The following UGGT2 variants were observed in gnomAD, a reference collection of about 807,000 sequenced individuals.
UGGT2 encodes the protein UDP-glucose:glycoprotein glucosyltransferase 2.
Under a neutral mutation model 192.1 loss-of-function variants are expected in UGGT2, and 180 were observed. The ratio of observed to expected loss-of-function variants is 0.94; its 90% CI spans 0.83 to 1.06. UGGT2 has a LOEUF of 1.06. Ranked by LOEUF, UGGT2 falls within the 50% of genes least tolerant of loss-of-function variation. UGGT2 has a pLI of 0.00. For missense variants in UGGT2, 1,849 were observed against 1,795.7 expected (o/e 1.03, Z -0.54); for synonymous variants, 580 against 591.0 (o/e 0.98, Z 0.27).
chr13:95,857,561 A>C (rs1183192631), intron 33 of UGGT2, among the ~76,000 whole-genome samples: 3 of 152,130 alleles, frequency 2.0e-5, no homozygotes, highest in Non-Finnish European at 2.9e-5. Flanking sequence ...GACTTTTCTA[A>C]ACTGGTAGGA....
intron 20 of UGGT2, among the ~76,000 whole-genome samples, chr13:95,915,783 C>T (rs964963307): frequency 6.6e-6 from 1 of 152,202 alleles, no homozygotes; most frequent in East Asian, 1.9e-4. Flanking sequence ...TCTATCCGAT[C>T]ATGGCCAGAC....
At chr13:95,947,448 C>CT (rs1358429168) in intron 14 of UGGT2, among the ~76,000 whole-genome samples, 1 of 126,972 alleles carries the variant, frequency 7.9e-6, no homozygotes, top group Non-Finnish European at 1.8e-5. Flanking sequence ...TAAATATACT[C>CT]TTTTTATTTT....
At chr13:95,999,676 G>C (rs898218001) in intron 5 of UGGT2, among the ~76,000 whole-genome samples, 1 of 152,120 alleles carries the variant, frequency 6.6e-6, no homozygotes, top group Non-Finnish European at 1.5e-5. Context: ...ACCCCCAAAA[G>C]ATTTGCTAAA....
At chr13:95,873,941 A>T (rs1594203968) in intron 29 of UGGT2, among the ~76,000 whole-genome samples, 1 of 152,180 alleles carries the variant, frequency 6.6e-6, no homozygotes, top group Non-Finnish European at 1.5e-5. Context: ...GAATTAGACC[A>T]TCCACCAGGT....
chr13:95,808,477 C>T (rs1884424499), intron 38 of UGGT2, among the ~76,000 whole-genome samples: 1 of 151,868 alleles, frequency 6.6e-6, no homozygotes, highest in Admixed American at 6.6e-5. Flanking sequence ...ATAATCCTTT[C>T]TCCTCAGTGA....
chr13:95,875,286 T>C (rs547246196), intron 29 of UGGT2, among the ~76,000 whole-genome samples: 2 of 152,310 alleles, frequency 1.3e-5, no homozygotes, highest in East Asian at 3.9e-4. Flanking sequence ...ATCTGGTTAT[T>C]TGTTCTAATA....
chr13:96,004,195 T>C (rs1324672414), intron 5 of UGGT2, among the ~76,000 whole-genome samples: 1 of 151,812 alleles, frequency 6.6e-6, no homozygotes, highest in Admixed American at 6.6e-5. Context: ...AAAAAACATA[T>C]TTGTTTTTAA....
At chr13:95,979,470 T>C (rs1346751898) in intron 10 of UGGT2, among the ~76,000 whole-genome samples, 1 of 149,212 alleles carries the variant, frequency 6.7e-6, no homozygotes, top group African/African-American at 2.5e-5. Flanking sequence ...CCAAAGTTTC[T>C]TCTCCATCCT....
chr13:95,874,208 A>G (rs919712435), intron 29 of UGGT2, among the ~76,000 whole-genome samples: 9 of 152,214 alleles, frequency 5.9e-5, no homozygotes, highest in Non-Finnish European at 1.2e-4. Context: ...GACATGCAGT[A>G]GTACAGCAAC....
rs183949872 is a variant in UGGT2 at position 95,998,199 on chromosome 13, G to T, written c.757+1012C>A. 2.0e-5 allele frequency among the ~76,000 whole-genome samples: 3 copies of T among 152,254 alleles called. No homozygotes were observed. In the East Asian group the frequency reaches 5.8e-4, roughly 29 times the overall value. On this transcript the variant is annotated intron_variant, in intron 6 of 38. Transcript: ENST00000376747. Reference sequence around the variant, plus strand: ...GACATATTCCAAGTGTGTGTAAAAGGTTGATGACAGAATGCAGTGCATAAT... The same window carrying T: ...GACATATTCCAAGTGTGTGTAAAAGTTTGATGACAGAATGCAGTGCATAAT...
At chr13:95,831,553 T>TA (rs1402586257) in intron 38 of UGGT2, among the ~76,000 whole-genome samples, 1 of 152,166 alleles carries the variant, frequency 6.6e-6, no homozygotes, top group East Asian at 1.9e-4. Context: ...ATTTCATTGT[T>TA]AAAAATAATG....
intron 21 of UGGT2, among the ~76,000 whole-genome samples, chr13:95,902,394 G>A (rs895970045): frequency 1.3e-5 from 2 of 152,106 alleles, no homozygotes; most frequent in Admixed American, 6.6e-5. Context: ...TACAATGTAA[G>A]CTCCACAAAG....
chr13:95,802,202 G>A lies in UGGT2; in HGVS notation c.4529-390C>T, dbSNP rs527548054. ...ATGTAATGGAACAACAGAAAGCAGA[G>A]GACATATTAATATATAGTCGTCATC... On this transcript the variant is annotated intron_variant, in intron 38 of 38. Coordinates refer to ENST00000376747, the MANE Select transcript of UGGT2 (RefSeq NM_020121.4). 6.6e-5 allele frequency among the ~76,000 whole-genome samples: 10 copies of A among 152,236 alleles called. No homozygotes were observed. The South Asian group carries it at 1.5e-3, about 22-fold the overall frequency.
At chr13:95,978,101 G>C (rs1333440521) in intron 10 of UGGT2, among the ~76,000 whole-genome samples, 1 of 152,044 alleles carries the variant, frequency 6.6e-6, no homozygotes, top group Non-Finnish European at 1.5e-5. Flanking sequence ...ATGATGGGTT[G>C]ATAGGGGCAG....
At chr13:95,930,982 T>C (rs763282553) in intron 17 of UGGT2, among the ~76,000 whole-genome samples, 5 of 145,480 alleles carry the variant, frequency 3.4e-5, no homozygotes, top group East Asian at 1.9e-4. Flanking sequence ...TCCCACAGCA[T>C]GGAAAGGGAC....
chr13:95,883,981 G>A (rs1321803671), intron 27 of UGGT2, among the ~76,000 whole-genome samples: 1 of 148,306 alleles, frequency 6.7e-6, no homozygotes, highest in Non-Finnish European at 1.5e-5. Flanking sequence ...GGTATACCTG[G>A]CCTGTAGTAT....
intron 20 of UGGT2, among the ~76,000 whole-genome samples, chr13:95,912,880 CA>C (rs2048549792): frequency 6.6e-6 from 1 of 152,108 alleles, no homozygotes; most frequent in African/African-American, 2.4e-5. Context: ...GTACTGGTAC[CA>C]AAACAGAGGT....
chr13:95,924,920 T>C lies in UGGT2; in HGVS notation c.2295+760A>G, dbSNP rs146388753. ...TATAACCAAAATCTTAAATATAGCC[T>C]TATAAGAGAATCTAAGATAGAATCA... On this transcript the variant is annotated intron_variant, in intron 20 of 38. Coordinates refer to ENST00000376747, the MANE Select transcript of UGGT2 (RefSeq NM_020121.4). Among the ~76,000 whole-genome samples the C allele has an allele frequency of 6.5e-3, 987 of 152,270 alleles. 10 individuals carry two copies. Among genetic ancestry groups the C allele is most frequent in the African/African-American group, 0.023 (949 of 41,538 alleles).
intron 30 of UGGT2, among the ~76,000 whole-genome samples, chr13:95,865,971 G>C (rs1157728921): frequency 6.6e-6 from 1 of 152,168 alleles, no homozygotes; most frequent in African/African-American, 2.4e-5. Context: ...AGGTCACACA[G>C]CTAGTGAGTG....
Sources: gnomAD v4.1 joint callset for allele counts (sites outside exome capture counted in the v4.1 genomes callset) on GRCh38, gnomAD v4.1.1 for gene constraint, MANE v1.5 for transcripts, NCBI Gene and HGNC (gene_info 2026-07-23, HGNC 2026-07-21) for gene names.